Variants in MYO9A observed in about 807,000 individuals in gnomAD.
MYO9A encodes unconventional myosin-IXa.
Under a neutral mutation model 293.3 loss-of-function variants are expected in MYO9A, and 103 were observed. The observed-to-expected ratio is 0.35, with a 90% CI of 0.30 to 0.41. The LOEUF is 0.41. MYO9A is among the 10% of genes least tolerant of loss of function. The probability of loss-of-function intolerance (pLI) is 1.00; values close to 1 mark genes in which losing one functional copy is unlikely to be tolerated. For missense variants in MYO9A, 2,685 were observed against 3,033.0 expected (o/e 0.89, Z 2.69); for synonymous variants, 1,001 against 1,035.7 (o/e 0.97, Z 0.64).
intron 1 of MYO9A, among the ~76,000 whole-genome samples, chr15:72,109,167 G>T (rs2080684344): frequency 6.6e-6 from 1 of 152,000 alleles, no homozygotes; most frequent in African/African-American, 2.4e-5. Flanking sequence ...GCAGCAGGCA[G>T]ATCATGAGGT....
At chr15:71,934,771 TTTTTC>T (rs1381489867) in intron 17 of MYO9A, among the ~76,000 whole-genome samples, 7 of 147,686 alleles carry the variant, frequency 4.7e-5, no homozygotes, top group African/African-American at 1.5e-4. Context: ...TGGCTAATTT[TTTTTC>T]TTTTCTTTTC....
At chr15:72,091,846 C>T (rs1008220966) in intron 1 of MYO9A, among the ~76,000 whole-genome samples, 1 of 151,850 alleles carries the variant, frequency 6.6e-6, no homozygotes, top group African/African-American at 2.4e-5. Flanking sequence ...TCCCGAGTAG[C>T]TGGGACTACA....
At chr15:71,924,331 T>G (rs1253160748) in intron 18 of MYO9A, among the ~76,000 whole-genome samples, 1 of 152,046 alleles carries the variant, frequency 6.6e-6, no homozygotes, top group Non-Finnish European at 1.5e-5. Context: ...AAGCTCCACC[T>G]CCCAGGTTCA....
intron 17 of MYO9A, 135 bp from the exon 18 acceptor site, chr15:71,933,844 T>C: frequency 1.4e-6 from 1 of 736,508 alleles, no homozygotes; most frequent in Non-Finnish European, 2.3e-6. Context: ...GTAGGTTCTT[T>C]ATATGAAAAC....
At chr15:72,010,646 A>C (rs1368647404) in intron 6 of MYO9A, among the ~76,000 whole-genome samples, 199 bp from the exon 7 acceptor site, 2 of 152,192 alleles carry the variant, frequency 1.3e-5, no homozygotes. Context: ...TACTTACTAA[A>C]ATACCAATAA....
At chr15:71,943,818 C>A (rs2058842008) in intron 15 of MYO9A, among the ~76,000 whole-genome samples, 2 of 152,198 alleles carry the variant, frequency 1.3e-5, no homozygotes, top group Non-Finnish European at 2.9e-5. Context: ...CCTTAGCATA[C>A]CACTTTAGAG....
intron 18 of MYO9A, among the ~76,000 whole-genome samples, chr15:71,917,987 C>A (rs2058057660): frequency 6.6e-6 from 1 of 151,748 alleles, no homozygotes; most frequent in Non-Finnish European, 1.5e-5. Flanking sequence ...AAAAAAAAAA[C>A]TTTTAAAAAT....
chr15:71,842,094 T>G lies in MYO9A; in HGVS notation c.6837+6751A>C, dbSNP rs959319265. ...TTTACAAATATTAACTCATTTAGACTGGGCATGGTGGCTCACACCTGTAAT... is the reference window on the plus strand; with the variant it reads ...TTTACAAATATTAACTCATTTAGACGGGGCATGGTGGCTCACACCTGTAAT... On this transcript the variant is annotated intron_variant, in intron 39 of 41. Transcript: ENST00000356056. Among the ~76,000 whole-genome samples the G allele has an allele frequency of 2.6e-5, 4 of 151,986 alleles. No individual in the cohort carries two copies. The East Asian group carries it at 7.7e-4, about 29-fold the overall frequency.
intron 4 of MYO9A, among the ~76,000 whole-genome samples, 179 bp from the exon 5 acceptor site, chr15:72,021,196 T>C (rs1400754010): frequency 6.6e-6 from 1 of 152,148 alleles, no homozygotes; most frequent in Non-Finnish European, 1.5e-5. Context: ...GTTTTGGATG[T>C]GGAATACAAA....
chr15:71,954,175 T>C (rs1417824832), intron 14 of MYO9A, among the ~76,000 whole-genome samples: 1 of 151,712 alleles, frequency 6.6e-6, no homozygotes, highest in Non-Finnish European at 1.5e-5. Context: ...ATTACAGGCA[T>C]GAGCCACTGT....
At chr15:71,903,540 C>A (rs2057543836) in intron 21 of MYO9A, among the ~76,000 whole-genome samples, 1 of 152,162 alleles carries the variant, frequency 6.6e-6, no homozygotes, top group African/African-American at 2.4e-5. Context: ...GCCTTGCTGG[C>A]AGCTTACTAT....
intron 1 of MYO9A, among the ~76,000 whole-genome samples, chr15:72,059,124 A>G (rs996622517): frequency 2.0e-5 from 3 of 152,172 alleles, no homozygotes; most frequent in Admixed American, 6.5e-5. Context: ...TTTCTCCTCC[A>G]AGGTATTTGC....
At chr15:71,912,332 T>G (rs1238069113) in intron 19 of MYO9A, among the ~76,000 whole-genome samples, 1 of 151,610 alleles carries the variant, frequency 6.6e-6, no homozygotes, top group Non-Finnish European at 1.5e-5. Flanking sequence ...CTCAGCTCAC[T>G]GCAACCTCCA....
intron 6 of MYO9A, among the ~76,000 whole-genome samples, chr15:72,015,889 C>T (rs2077323443): frequency 1.3e-5 from 2 of 151,806 alleles, no homozygotes; most frequent in South Asian, 4.2e-4. Flanking sequence ...GGGGTTTCAC[C>T]GTGTTAGCCA....
chr15:72,090,887 C>T (rs540031785), intron 1 of MYO9A, among the ~76,000 whole-genome samples: 5 of 151,926 alleles, frequency 3.3e-5, no homozygotes, highest in South Asian at 2.1e-4. Context: ...GGGTGCTGGG[C>T]GCAGTGGCTC....
intron 12 of MYO9A, among the ~76,000 whole-genome samples, chr15:71,969,659 G>A (rs959360969): frequency 6.6e-6 from 1 of 152,118 alleles, no homozygotes; most frequent in African/African-American, 2.4e-5. Context: ...TAATTGAAAA[G>A]CTTATGATAT....
intron 19 of MYO9A, among the ~76,000 whole-genome samples, chr15:71,915,554 G>A (rs1257578104): frequency 2.0e-5 from 3 of 151,716 alleles, no homozygotes; most frequent in Admixed American, 6.6e-5. Context: ...TTGAAGAACT[G>A]TGCTTATAAA....
In MYO9A at chr15:71,916,392, G is replaced by C; in HGVS notation, c.2663C>G (p.Pro888Arg). Reference sequence around the variant, plus strand: ...AACCTGAAACTGGGCACTGATGCTGGGAGGTTTTTTCTTCTTGTGTAAATG... The same window carrying C: ...AACCTGAAACTGGGCACTGATGCTGCGAGGTTTTTTCTTCTTGTGTAAATG... ...LLHLHKKKKP[P>R]SISAQFQASL... is the part of the protein sequence containing the mutation. The change falls in exon 19 of 42, where the codon CCC becomes CGC. Residue 888 changes from proline (P) to arginine (R), a missense_variant. This residue lies in a region of MYO9A where 1,434 missense variants were observed against 1,497.7 expected (regional missense o/e 0.96). Coordinates refer to ENST00000356056, the MANE Select transcript of MYO9A (RefSeq NM_006901.4). 1 of 1,613,238 alleles carries C rather than the reference G, an allele frequency of 6.2e-7. No individual in the cohort carries two copies. The highest frequency in any genetic ancestry group is 8.5e-7 in the Non-Finnish European group (1 of 1,179,788).
At chr15:71,930,802 G>T (rs966695706) in intron 18 of MYO9A, among the ~76,000 whole-genome samples, 2 of 152,030 alleles carry the variant, frequency 1.3e-5, no homozygotes, top group African/African-American at 4.8e-5. Context: ...TTTGTGGTTT[G>T]ATGGTTTTCT....
Sources: gnomAD v4.1 joint callset for allele counts (sites outside exome capture counted in the v4.1 genomes callset) on GRCh38, gnomAD v4.1.1 for gene constraint, gnomAD v4.1.1 regional missense constraint, MANE v1.5 for transcripts, NCBI Gene and HGNC (gene_info 2026-07-23, HGNC 2026-07-21) for gene names.